PTPN3: variants seen among roughly 807,000 people sequenced by gnomAD.
PTPN3 encodes tyrosine-protein phosphatase non-receptor type 3.
Under a neutral mutation model 132.7 loss-of-function variants are expected in PTPN3, and 96 were observed. That is an observed-to-expected ratio of 0.72 (90% CI 0.61 to 0.86). The LOEUF (loss-of-function observed/expected upper bound fraction) is 0.86. Among genes scored for constraint, PTPN3 ranks in the 40% least tolerant of loss-of-function variants. The probability of loss-of-function intolerance (pLI) is 0.00; values close to 1 mark genes in which losing one functional copy is unlikely to be tolerated. For synonymous variants in PTPN3, 398 were observed against 429.0 expected, an observed-to-expected ratio of 0.93 and a Z score of 0.89; for missense variants, 1,125 against 1,159.6, an observed-to-expected ratio of 0.97 and a Z score of 0.43.
At chr9:109,464,364 G>A (rs1845992653) in intron 1 of PTPN3, among the ~76,000 whole-genome samples, 1 of 152,160 alleles carries the variant, frequency 6.6e-6, no homozygotes, top group Non-Finnish European at 1.5e-5. Flanking sequence ...AGAACATATG[G>A]ACACAAAGAA....
At chr9:109,462,847 C>T (rs1845913715) in intron 2 of PTPN3, among the ~76,000 whole-genome samples, 1 of 151,910 alleles carries the variant, frequency 6.6e-6, no homozygotes, top group South Asian at 2.1e-4. Flanking sequence ...GAAACAACAC[C>T]CTTTCTATTC....
chr9:109,505,418 G>T, the PTPN3 span, among the ~76,000 whole-genome samples: 1 of 152,082 alleles, frequency 6.6e-6, no homozygotes. Context: ...GACTAGAGGC[G>T]CATGCCACCA....
chr9:109,385,291 C>T (rs1201436928), intron 22 of PTPN3, among the ~76,000 whole-genome samples: 2 of 152,216 alleles, frequency 1.3e-5, no homozygotes, highest in Non-Finnish European at 2.9e-5. Context: ...ATAAATTCTA[C>T]TAAACATATT....
chr9:109,447,973 A>G (rs1844973405), intron 6 of PTPN3, among the ~76,000 whole-genome samples: 1 of 152,018 alleles, frequency 6.6e-6, no homozygotes. Context: ...TGCCCAGGGA[A>G]ATCCACCTCC....
rs1413287687 is a variant in PTPN3, at chr9:109,383,502, C to G, written c.2303G>C (p.Gly768Ala). ...WPDPPDVMNH[G>A]GFHIQCQSED... ...TGACTGACACTGGATGTGAAAGCCG[C>G]CGTGGTTCATGACGTCGGGGGGATC... Residue 768 changes from glycine (G) to alanine (A), a missense_variant, in exon 23 of 26, where the codon GGC becomes GCC. By Grantham distance (60) the Gly-to-Ala change is moderately conservative. Transcript: ENST00000374541. The G allele has an allele frequency of 6.2e-7, 1 of 1,614,088 alleles. No individual in the cohort carries two copies. The highest frequency in any genetic ancestry group is 1.7e-5 in the Admixed American group (1 of 60,020).
chr9:109,377,437 CACACACACACACACACACACAA>C lies in PTPN3; in HGVS notation c.*2097_*2118del, dbSNP rs1564361678. The C allele has an allele frequency of 1.3e-5, 2 of 148,488 alleles. No individual in the cohort carries two copies. The highest frequency in any genetic ancestry group is 2.6e-5 in the African/African-American group (1 of 39,070). The allele number at this position is 148,488 out of a possible 1,614,324, so 9.2% of individuals were successfully genotyped here. On this transcript the variant is annotated 3_prime_UTR_variant, in exon 26 of 26. Transcript: ENST00000374541. Reference sequence around the variant, plus strand: ...ACACACACACACACACACACACACACACACACACACACACACACACAAGCCAGGTGAGGTGGCATGTGCCTAT... The same window carrying C: ...ACACACACACACACACACACACACACGCCAGGTGAGGTGGCATGTGCCTAT...
intron 9 of PTPN3, among the ~76,000 whole-genome samples, chr9:109,433,578 T>C (rs964748401): frequency 3.3e-5 from 5 of 152,196 alleles, no homozygotes; most frequent in Non-Finnish European, 7.3e-5. Flanking sequence ...TGAAAATGTA[T>C]ACATGTAGAA....
intron 7 of PTPN3, among the ~76,000 whole-genome samples, chr9:109,441,307 G>A (rs1157167807): frequency 6.6e-6 from 1 of 152,226 alleles, no homozygotes; most frequent in African/African-American, 2.4e-5. Context: ...GCAGCAAAGA[G>A]AGGGTATATC....
At chr9:109,408,425 C>CA in intron 16 of PTPN3, 48 bp from the exon 17 acceptor site, 1 of 1,382,080 alleles carries the variant, frequency 7.2e-7, no homozygotes, top group East Asian at 2.3e-5. Context: ...TTAAGTTAAA[C>CA]AAACAAACAA....
At chr9:109,468,707 A>AGCAAGAG (rs1474998174) in intron 1 of PTPN3, among the ~76,000 whole-genome samples, 1 of 152,372 alleles carries the variant, frequency 6.6e-6, no homozygotes, top group East Asian at 1.9e-4. Flanking sequence ...TGGAAAATAC[A>AGCAAGAG]GCAAGAGGCA....
intron 25 of PTPN3, among the ~76,000 whole-genome samples, chr9:109,381,328 A>T (rs1395219157): frequency 1.3e-5 from 2 of 152,178 alleles, no homozygotes; most frequent in Non-Finnish European, 2.9e-5. Flanking sequence ...GGTCATATGC[A>T]ACATCCACTG....
In PTPN3 at chr9:109,429,235, T is replaced by C. The variant is rs891602336; in HGVS notation, c.765-551A>G. Among the ~76,000 whole-genome samples, 3 of 152,238 alleles carry C rather than the reference T, an allele frequency of 2.0e-5. 1 individual carries two copies. The South Asian group carries it at 6.2e-4, about 32-fold the overall frequency. On this transcript the variant is annotated intron_variant, in intron 10 of 25. Transcript: ENST00000374541. Reference sequence around the variant, plus strand: ...CAATCCTGAAAAGTACATATTGTTATACCCAGTTTTCAGATGAGGAAACTG... The same window carrying C: ...CAATCCTGAAAAGTACATATTGTTACACCCAGTTTTCAGATGAGGAAACTG...
chr9:109,402,429 C>T (rs940150703), intron 19 of PTPN3, among the ~76,000 whole-genome samples: 2 of 152,060 alleles, frequency 1.3e-5, no homozygotes, highest in African/African-American at 2.4e-5. Context: ...CAGGTGCCTG[C>T]CACCCCGCCT....
chr9:109,482,158 T>C (rs10759343), intron 1 of PTPN3, among the ~76,000 whole-genome samples: 135,942 of 152,310 alleles, frequency 0.89, 60,919 homozygotes, highest in African/African-American at 0.97. Context: ...ACCATTCCAA[T>C]GGGGCTGGAA....
At chr9:109,507,427 G>A in the PTPN3 span, among the ~76,000 whole-genome samples, 15 of 152,196 alleles carry the variant, frequency 9.9e-5, no homozygotes, top group Non-Finnish European at 1.9e-4. Context: ...GGAGAACACT[G>A]TGCTCCGAAT....
intron 22 of PTPN3, among the ~76,000 whole-genome samples, chr9:109,385,822 C>T (rs1256872274): frequency 6.6e-6 from 1 of 152,230 alleles, no homozygotes; most frequent in Non-Finnish European, 1.5e-5. Context: ...ACTCAGAATG[C>T]TCTGTCCTCA....
At chr9:109,408,285 C>A in intron 17 of PTPN3, 36 bp downstream of exon 17, 1 of 1,482,750 alleles carries the variant, frequency 6.7e-7, no homozygotes, top group South Asian at 1.3e-5. Context: ...GGGAAACAAA[C>A]AAACACGAGG....
chr9:109,380,305 G>C (rs1588276874), intron 25 of PTPN3, among the ~76,000 whole-genome samples: 1 of 152,068 alleles, frequency 6.6e-6, no homozygotes, highest in East Asian at 1.9e-4. Flanking sequence ...ACTCAGGCTG[G>C]AGTGCAGTGG....
At chr9:109,515,363 C>T in the PTPN3 span, among the ~76,000 whole-genome samples, 1 of 152,200 alleles carries the variant, frequency 6.6e-6, no homozygotes, top group Non-Finnish European at 1.5e-5. Context: ...GATCTACCTG[C>T]TGTGCCTGCA....
Sources: allele counts gnomAD v4.1 joint callset (sites outside exome capture counted in the v4.1 genomes callset), GRCh38; gene constraint gnomAD v4.1.1; transcripts MANE v1.5; gene names NCBI Gene and HGNC (gene_info 2026-07-23, HGNC 2026-07-21).